The following HNRNPC variants were observed in gnomAD, a reference collection of about 807,000 sequenced individuals.
HNRNPC encodes heterogeneous nuclear ribonucleoprotein C, also known as heterogeneous nuclear ribonucleoproteins C1/C2.
HNRNPC carries 3 observed loss-of-function variants against 33.2 expected under a neutral mutation model. The observed-to-expected ratio is 0.09, with a 90% confidence interval of 0.04 to 0.23. The LOEUF (loss-of-function observed/expected upper bound fraction) is 0.23. Ranked by LOEUF, HNRNPC falls within the 10% of genes least tolerant of loss-of-function variation. The probability of loss-of-function intolerance (pLI) is 1.00; values close to 1 mark genes in which losing one functional copy is unlikely to be tolerated. For missense variants in HNRNPC, 143 were observed against 366.7 expected (o/e 0.39, Z 4.98); for synonymous variants, 121 against 126.7 (o/e 0.96, Z 0.30).
chr14:21,267,556 A>C (rs74693625), intron 1 of HNRNPC, among the ~76,000 whole-genome samples: 1 of 152,092 alleles, frequency 6.6e-6, no homozygotes, highest in East Asian at 1.9e-4. Context: ...GGGGAAAAAA[A>C]AGGTCAGAAA....
Position 21,211,557 on chromosome 14 carries a change from T to C in HNRNPC, c.647A>G (p.Lys216Arg). ...KEQSKQAVEM[K>R]NDKSEEEQSS... The stretch of plus-strand genomic sequence containing the variant: ...CTGCTCCTCTTCTGACTTATCATTC[T>C]TCATCTCTACTGCGGATGAGAAGGA... Residue 216 changes from lysine (K) to arginine (R), a missense_variant, in exon 8 of 9, where the codon AAG becomes AGG. Lys to Arg is a conservative substitution (Grantham distance 26). Coordinates refer to ENST00000553300, the MANE Select transcript of HNRNPC (RefSeq NM_004500.4). 1.2e-6 allele frequency: 2 copies of C among 1,609,562 alleles called. No homozygotes were observed. Among genetic ancestry groups the C allele is most frequent in the Non-Finnish European group, 1.7e-6 (2 of 1,177,726 alleles).
intron 5 of HNRNPC, among the ~76,000 whole-genome samples, chr14:21,217,338 C>G (rs1310020803): frequency 6.6e-6 from 1 of 152,176 alleles, no homozygotes; most frequent in Non-Finnish European, 1.5e-5. Flanking sequence ...CTGTCTTAGT[C>G]TAGCATCAGT....
intron 2 of HNRNPC, among the ~76,000 whole-genome samples, chr14:21,256,516 A>G (rs1877237350): frequency 6.6e-6 from 1 of 152,166 alleles, no homozygotes. Flanking sequence ...TTTTAAGAAC[A>G]AAACTAGTGG....
At chr14:21,244,030 AG>A (rs1300677209) in intron 2 of HNRNPC, among the ~76,000 whole-genome samples, 1 of 146,480 alleles carries the variant, frequency 6.8e-6, no homozygotes, top group African/African-American at 2.5e-5. Context: ...ATTTCCTCCA[AG>A]TTTTTTTTTT....
chr14:21,269,382 G>C lies in HNRNPC; in HGVS notation c.-147C>G, dbSNP rs1398952916. 2 of 154,534 alleles carry C rather than the reference G, an allele frequency of 1.3e-5. No homozygotes were observed. The highest frequency in any genetic ancestry group is 1.5e-5 in the Non-Finnish European group (1 of 68,962). 9.6% of individuals were successfully genotyped at this position (154,534 alleles called of 1,614,324 possible). On this transcript the variant is annotated 5_prime_UTR_variant, in exon 1 of 9. Coordinates refer to ENST00000553300, the MANE Select transcript of HNRNPC (RefSeq NM_004500.4). The stretch of plus-strand genomic sequence containing the variant: ...AGAAGCCGACTGCTGCTGGAGGTCG[G>C]CAACGCGGCCACAACCGCTCAGTCT...
At chr14:21,242,399 G>T (rs72675020) in intron 2 of HNRNPC, among the ~76,000 whole-genome samples, 11 of 152,078 alleles carry the variant, frequency 7.2e-5, no homozygotes, top group Admixed American at 3.9e-4. Flanking sequence ...TAGAAGAATC[G>T]CTTGAACCCA....
intron 2 of HNRNPC, among the ~76,000 whole-genome samples, chr14:21,253,202 C>A (rs369942731): frequency 1.6e-5 from 2 of 127,650 alleles, no homozygotes; most frequent in African/African-American, 6.0e-5. Context: ...ACTGGCCAGG[C>A]GCGGTGGCTC....
At chr14:21,249,655 G>T (rs1321833240) in intron 2 of HNRNPC, among the ~76,000 whole-genome samples, 1 of 144,990 alleles carries the variant, frequency 6.9e-6, no homozygotes, top group Admixed American at 6.9e-5. Context: ...ACTGAACATT[G>T]TATTACATAT....
chr14:21,215,620 G>C (rs1892070081), intron 5 of HNRNPC, among the ~76,000 whole-genome samples: 1 of 152,188 alleles, frequency 6.6e-6, no homozygotes, highest in South Asian at 2.1e-4. Flanking sequence ...AAATACACCA[G>C]CCAGGTGTGG....
chr14:21,254,825 G>A (rs1178139707), intron 2 of HNRNPC, among the ~76,000 whole-genome samples: 1 of 151,780 alleles, frequency 6.6e-6, no homozygotes, highest in Admixed American at 6.6e-5. Flanking sequence ...AGAATCACTT[G>A]AATCCGGGAG....
Position 21,228,883 on chromosome 14 carries a change from G to A in HNRNPC, c.365+1436C>T, listed in dbSNP as rs1261917341. Among the ~76,000 whole-genome samples the A allele has an allele frequency of 9.3e-5, 14 of 151,086 alleles. 1 individual carries two copies. Among genetic ancestry groups the A allele is most frequent in the East Asian group, 4.0e-4 (2 of 5,010 alleles). ...GTAGATCACCTCAGTTCAGGAGTTC[G>A]AGACCAGCCTGGCCAACATGGTGAA... is the stretch of plus-strand genomic sequence containing the variant. On this transcript the variant is annotated intron_variant, in intron 5 of 8. Transcript: ENST00000553300.
intron 4 of HNRNPC, 22 bp from the exon 5 acceptor site, chr14:21,230,388 G>A: frequency 6.3e-7 from 1 of 1,585,074 alleles, no homozygotes; most frequent in African/African-American, 1.3e-5. Context: ...ATACCGAAAA[G>A]GGTTAATTTG....
chr14:21,223,163 G>GC (rs1395448883), intron 5 of HNRNPC, among the ~76,000 whole-genome samples: 1 of 152,014 alleles, frequency 6.6e-6, no homozygotes, highest in Non-Finnish European at 1.5e-5. Flanking sequence ...CCAAGATCTC[G>GC]CCATTGCAAT....
intron 2 of HNRNPC, among the ~76,000 whole-genome samples, chr14:21,249,067 T>A (rs1454404355): frequency 1.3e-5 from 2 of 152,236 alleles, no homozygotes; most frequent in East Asian, 1.9e-4. Flanking sequence ...AAGGATGGGA[T>A]GGGGTTTTGA....
chr14:21,222,480 T>C (rs2139553547), intron 5 of HNRNPC, among the ~76,000 whole-genome samples: 1 of 152,100 alleles, frequency 6.6e-6, no homozygotes, highest in East Asian at 1.9e-4. Flanking sequence ...GCTTAGAATA[T>C]TTTCATGGTT....
At chr14:21,246,798 A>G (rs1426795898) in intron 2 of HNRNPC, among the ~76,000 whole-genome samples, 1 of 152,232 alleles carries the variant, frequency 6.6e-6, no homozygotes, top group African/African-American at 2.4e-5. Context: ...CACCCAAGAC[A>G]GTAAGACCAA....
At chr14:21,212,154 G>C (rs780299367) in intron 6 of HNRNPC, among the ~76,000 whole-genome samples, 5 of 152,034 alleles carry the variant, frequency 3.3e-5, no homozygotes, top group Admixed American at 6.6e-5. Flanking sequence ...ATGTTGACCA[G>C]GCCTGAGGAC....
intron 2 of HNRNPC, among the ~76,000 whole-genome samples, chr14:21,260,390 A>T (rs963050487): frequency 4.8e-5 from 7 of 147,214 alleles, no homozygotes; most frequent in South Asian, 2.1e-4. Context: ...AAAAAAAAAA[A>T]TCCCTTTATG....
intron 2 of HNRNPC, among the ~76,000 whole-genome samples, chr14:21,239,335 C>T (rs904668212): frequency 4.6e-5 from 7 of 151,824 alleles, no homozygotes; most frequent in South Asian, 2.1e-4. Flanking sequence ...AAATAATTAG[C>T]GGGGTATGGT....
Sources: allele counts gnomAD v4.1 joint callset (sites outside exome capture counted in the v4.1 genomes callset), GRCh38; gene constraint gnomAD v4.1.1; transcripts MANE v1.5; gene names NCBI Gene and HGNC (gene_info 2026-07-23, HGNC 2026-07-21).